The following KLF12 variants were observed in gnomAD, a reference collection of about 807,000 sequenced individuals.
The protein encoded by KLF12 is KLF transcription factor 12, also known as Krueppel-like factor 12.
A neutral mutation model predicts 37.8 loss-of-function variants in KLF12; 9 were observed. The ratio of observed to expected loss-of-function variants is 0.24; its 90% CI spans 0.14 to 0.42. The LOEUF (loss-of-function observed/expected upper bound fraction) is 0.42. Among genes scored for constraint, KLF12 ranks in the 10% least tolerant of loss-of-function variants. The probability of loss-of-function intolerance (pLI) is 1.00; values close to 1 mark genes in which losing one functional copy is unlikely to be tolerated. For synonymous variants in KLF12, 208 were observed against 202.1 expected (o/e 1.03, Z -0.25); for missense variants, 411 against 516.0 (o/e 0.80, Z 1.97).
chr13:73,796,053 A>G (rs1292795607), intron 5 of KLF12, among the ~76,000 whole-genome samples: 1 of 152,208 alleles, frequency 6.6e-6, no homozygotes, highest in Non-Finnish European at 1.5e-5. Context: ...TAATTATCAG[A>G]TAAGCAAGCT....
At chr13:73,980,957 C>T (rs115006948) in intron 2 of KLF12, among the ~76,000 whole-genome samples, 4,259 of 152,130 alleles carry the variant, frequency 0.028, 194 homozygotes, top group African/African-American at 0.096. Context: ...GCCAGAAGTT[C>T]GAAACCAGCC....
At chr13:73,755,937 C>T (rs1879135551) in intron 6 of KLF12, among the ~76,000 whole-genome samples, 2 of 152,172 alleles carry the variant, frequency 1.3e-5, no homozygotes, top group Middle Eastern at 3.4e-3. Context: ...TGTTTCATTC[C>T]TTTTTATGGC....
At chr13:73,880,108 A>G (rs1329636482) in intron 3 of KLF12, among the ~76,000 whole-genome samples, 2 of 152,050 alleles carry the variant, frequency 1.3e-5, no homozygotes, top group Non-Finnish European at 2.9e-5. Context: ...GCCACCTCTA[A>G]TAAGATGCTC....
intron 5 of KLF12, among the ~76,000 whole-genome samples, chr13:73,794,125 T>C (rs1266186659): frequency 6.6e-6 from 1 of 152,200 alleles, no homozygotes; most frequent in African/African-American, 2.4e-5. Flanking sequence ...CAAGCCACCT[T>C]TGAAAATCTG....
intron 6 of KLF12, among the ~76,000 whole-genome samples, chr13:73,749,994 C>A (rs1878633294): frequency 6.6e-6 from 1 of 152,138 alleles, no homozygotes; most frequent in Non-Finnish European, 1.5e-5. Flanking sequence ...CAATCTTGCC[C>A]CAGATCACAT....
chr13:73,723,361 T>C (rs1011661590), intron 6 of KLF12, among the ~76,000 whole-genome samples: 6 of 152,190 alleles, frequency 3.9e-5, no homozygotes, highest in African/African-American at 1.4e-4. Context: ...TGGATTATAC[T>C]AGACATACCC....
chr13:73,917,933 GA>G (rs754651604), intron 3 of KLF12, among the ~76,000 whole-genome samples: 1,714 of 144,380 alleles, frequency 0.012, 19 homozygotes, highest in African/African-American at 0.031. Flanking sequence ...AGTGAGAAAT[GA>G]AAAAAAAAAA....
intron 7 of KLF12, among the ~76,000 whole-genome samples, chr13:73,707,029 T>G (rs570255169): frequency 2.6e-5 from 4 of 152,300 alleles, no homozygotes; most frequent in South Asian, 2.1e-4. Flanking sequence ...TACTTTACCG[T>G]CCCTGAAGGG....
At chr13:73,951,039 G>A (rs1024883225) in intron 2 of KLF12, among the ~76,000 whole-genome samples, 4 of 152,206 alleles carry the variant, frequency 2.6e-5, no homozygotes, top group Non-Finnish European at 4.4e-5. Context: ...CTGGGCAGAA[G>A]TGCCAATGCA....
At chr13:73,834,300 T>C (rs139020429) in intron 4 of KLF12, among the ~76,000 whole-genome samples, 3 of 152,320 alleles carry the variant, frequency 2.0e-5, no homozygotes, top group Admixed American at 6.5e-5. Flanking sequence ...GAAACCCATA[T>C]ACCTAGCAAA....
At chr13:74,293,339 C>T in the KLF12 span, among the ~76,000 whole-genome samples, 1 of 152,272 alleles carries the variant, frequency 6.6e-6, no homozygotes, top group Middle Eastern at 3.4e-3. Context: ...CAAACTCCCT[C>T]AAAACCTGTT....
chr13:73,741,249 G>A (rs1877955020), intron 6 of KLF12, among the ~76,000 whole-genome samples: 3 of 152,066 alleles, frequency 2.0e-5, no homozygotes. Flanking sequence ...GAGGAAGCAC[G>A]ACTGGAAAGC....
chr13:74,125,160 T>A (rs1165924505), intron 1 of KLF12, among the ~76,000 whole-genome samples: 22 of 114,626 alleles, frequency 1.9e-4, no homozygotes, highest in African/African-American at 2.9e-4. Context: ...AAAAAATATA[T>A]ATATATACAC....
intron 5 of KLF12, among the ~76,000 whole-genome samples, chr13:73,783,121 G>A (rs566683766): frequency 1.3e-5 from 2 of 152,252 alleles, no homozygotes; most frequent in Admixed American, 1.3e-4. Context: ...TATAAGGGTT[G>A]AAGGGCTTAC....
In KLF12 at chr13:73,687,958, T is replaced by C. The variant is rs1013431693; in HGVS notation, c.*7532A>G. 4 of 152,234 alleles carry C rather than the reference T, an allele frequency of 2.6e-5. No individual in the cohort carries two copies. Among genetic ancestry groups the C allele is most frequent in the Non-Finnish European group, 5.9e-5 (4 of 68,036 alleles). The allele number at this position is 152,234 out of a possible 1,614,324, so 9.4% of individuals were successfully genotyped here. A position where few individuals can be genotyped will look rare whatever the true frequency, so the allele number is the denominator to read the frequency against. ...TTTGTTGTGGAGAAATTATTGCTTG[T>C]GAAACCCAATTAACTGAGAAGGGCC... On this transcript the variant is annotated 3_prime_UTR_variant, in exon 8 of 8. Coordinates refer to ENST00000377669, the MANE Select transcript of KLF12 (RefSeq NM_007249.5).
At chr13:73,713,483 C>T (rs1016678362) in intron 7 of KLF12, among the ~76,000 whole-genome samples, 1 of 152,208 alleles carries the variant, frequency 6.6e-6, no homozygotes, top group Non-Finnish European at 1.5e-5. Context: ...GAAAACTGCA[C>T]AGCAGTGACT....
At chr13:74,183,930 C>G in the KLF12 span, among the ~76,000 whole-genome samples, 3 of 152,128 alleles carry the variant, frequency 2.0e-5, no homozygotes, top group South Asian at 6.2e-4. Context: ...AGAGAGAGAC[C>G]CTGTCTCAAA....
chr13:73,935,905 C>T (rs1471419774), intron 3 of KLF12, among the ~76,000 whole-genome samples: 4 of 152,084 alleles, frequency 2.6e-5, no homozygotes, highest in Non-Finnish European at 1.5e-5. Context: ...AGCACTTGGC[C>T]TCAGGTATTT....
the KLF12 span, among the ~76,000 whole-genome samples, chr13:74,254,868 G>A: frequency 1.3e-5 from 2 of 152,120 alleles, no homozygotes; most frequent in African/African-American, 4.8e-5. Context: ...AAATATGCAG[G>A]CTTTACCTCA....
Sources: gnomAD v4.1 joint callset for allele counts (sites outside exome capture counted in the v4.1 genomes callset) on GRCh38, gnomAD v4.1.1 for gene constraint, MANE v1.5 for transcripts, NCBI Gene and HGNC (gene_info 2026-07-23, HGNC 2026-07-21) for gene names.